The following ATXN7L1 variants were observed in gnomAD, a reference collection of about 807,000 sequenced individuals.
ATXN7L1 encodes ataxin-7-like protein 1.
ATXN7L1 carries 15 observed loss-of-function variants against 70.8 expected under a neutral mutation model. The observed-to-expected ratio is 0.21, with a 90% CI of 0.14 to 0.33. The LOEUF is 0.33. ATXN7L1 is among the 10% of genes least tolerant of loss of function. ATXN7L1 has a pLI of 1.00. For synonymous variants in ATXN7L1, 440 were observed against 445.1 expected (o/e 0.99, Z 0.14); for missense variants, 975 against 1,097.1 (o/e 0.89, Z 1.57).
At chr7:105,660,067 C>T (rs1159683247) in intron 4 of ATXN7L1, among the ~76,000 whole-genome samples, 2 of 152,058 alleles carry the variant, frequency 1.3e-5, no homozygotes, top group Non-Finnish European at 2.9e-5. Context: ...CTACATATGA[C>T]CAGCCCCAAA....
chr7:105,836,448 T>C (rs1812399732), intron 2 of ATXN7L1, among the ~76,000 whole-genome samples: 1 of 151,890 alleles, frequency 6.6e-6, no homozygotes. Flanking sequence ...AGGGAGAAAA[T>C]GGGATGCCAG....
At chr7:105,855,432 T>C (rs1815584085) in intron 2 of ATXN7L1, among the ~76,000 whole-genome samples, 1 of 152,244 alleles carries the variant, frequency 6.6e-6, no homozygotes, top group Non-Finnish European at 1.5e-5. Flanking sequence ...CTAATGTATC[T>C]GTATGGAGGA....
At chr7:105,809,568 C>G (rs1808114981) in intron 2 of ATXN7L1, among the ~76,000 whole-genome samples, 1 of 152,148 alleles carries the variant, frequency 6.6e-6, no homozygotes, top group South Asian at 2.1e-4. Context: ...CCTCAAGGTT[C>G]AAATATATAT....
chr7:105,740,416 A>C (rs589282), intron 3 of ATXN7L1, among the ~76,000 whole-genome samples: 1,860 of 152,312 alleles, frequency 0.012, 42 homozygotes, highest in African/African-American at 0.042. Flanking sequence ...CAGAACAGGC[A>C]AGATCCACAA....
chr7:105,623,287 C>G (rs1795202168), intron 8 of ATXN7L1, among the ~76,000 whole-genome samples: 2 of 152,194 alleles, frequency 1.3e-5, no homozygotes, highest in Admixed American at 6.5e-5. Flanking sequence ...CTCAGGCTGG[C>G]ACCAGAGTAA....
chr7:105,818,893 ATTTTTT>A (rs36115790), intron 2 of ATXN7L1, among the ~76,000 whole-genome samples: 5 of 146,564 alleles, frequency 3.4e-5, no homozygotes, highest in African/African-American at 1.0e-4. Context: ...TACCCACTGC[ATTTTTT>A]TTTTTTTTTA....
At chr7:105,812,046 G>C (rs1369836790) in intron 2 of ATXN7L1, among the ~76,000 whole-genome samples, 1 of 152,140 alleles carries the variant, frequency 6.6e-6, no homozygotes, top group Non-Finnish European at 1.5e-5. Flanking sequence ...CCTGCCTTGT[G>C]AATGCTTTGG....
chr7:105,669,854 G>A (rs1201068963), intron 3 of ATXN7L1, among the ~76,000 whole-genome samples: 1 of 151,402 alleles, frequency 6.6e-6, no homozygotes, highest in East Asian at 1.9e-4. Flanking sequence ...AGGAAGTGGA[G>A]GTTGTAGTGA....
At chr7:105,669,880 T>C (rs895440817) in intron 3 of ATXN7L1, among the ~76,000 whole-genome samples, 2 of 147,876 alleles carry the variant, frequency 1.4e-5, no homozygotes, top group Non-Finnish European at 3.0e-5. Flanking sequence ...GATCGAACCA[T>C]TGCACTCCAG....
intron 2 of ATXN7L1, among the ~76,000 whole-genome samples, chr7:105,873,143 G>T (rs1818523420): frequency 7.1e-6 from 1 of 141,648 alleles, no homozygotes. Flanking sequence ...GGCAGAGCAA[G>T]ACTCCGTCTC....
At chr7:105,677,145 C>A (rs1262760631) in intron 3 of ATXN7L1, among the ~76,000 whole-genome samples, 1 of 152,206 alleles carries the variant, frequency 6.6e-6, no homozygotes, top group Non-Finnish European at 1.5e-5. Flanking sequence ...GACAGCAGGG[C>A]CAGGGCCCCC....
At chr7:105,747,431 A>G (rs916514350) in intron 3 of ATXN7L1, among the ~76,000 whole-genome samples, 3 of 152,228 alleles carry the variant, frequency 2.0e-5, no homozygotes, top group Admixed American at 6.5e-5. Context: ...CCATAGGGAC[A>G]GAAATTCTTG....
chr7:105,672,940 A>G (rs1335006591), intron 3 of ATXN7L1, among the ~76,000 whole-genome samples: 1 of 152,234 alleles, frequency 6.6e-6, no homozygotes, highest in Non-Finnish European at 1.5e-5. Context: ...CATTTCCACC[A>G]CAGGAAGTCC....
At chr7:105,619,509 TATATATATATATATATATATA>T (rs1490450771) in intron 9 of ATXN7L1, among the ~76,000 whole-genome samples, 4 of 14,118 alleles carry the variant, frequency 2.8e-4, no homozygotes, top group African/African-American at 6.4e-4. Context: ...TATATATATA[TATATATATATATATATATATA>T]TTTTTTTTTT....
intron 3 of ATXN7L1, among the ~76,000 whole-genome samples, chr7:105,704,578 T>TA (rs1371301574): frequency 6.9e-6 from 1 of 144,230 alleles, no homozygotes; most frequent in Non-Finnish European, 1.5e-5. Context: ...CAGAGAGGTT[T>TA]TATCTCTTTT....
chr7:105,613,650 G>A, intron 10 of ATXN7L1: 3 of 1,425,490 alleles, frequency 2.1e-6, no homozygotes, highest in Non-Finnish European at 9.2e-7. Flanking sequence ...ACCGTAAAGT[G>A]CCGAGAACAG....
chr7:105,699,886 C>G (rs189386308), intron 3 of ATXN7L1, among the ~76,000 whole-genome samples: 1 of 152,222 alleles, frequency 6.6e-6, no homozygotes, highest in African/African-American at 2.4e-5. Context: ...GGCCTGCCCC[C>G]ACAATCCTCC....
At chr7:105,611,455 T>G (rs1793144112) in intron 10 of ATXN7L1, among the ~76,000 whole-genome samples, 1 of 152,278 alleles carries the variant, frequency 6.6e-6, no homozygotes, top group African/African-American at 2.4e-5. Flanking sequence ...CATTGCAACC[T>G]CTGCCTCTGG....
intron 4 of ATXN7L1, among the ~76,000 whole-genome samples, chr7:105,644,833 A>G (rs1395223410): frequency 6.6e-6 from 1 of 152,248 alleles, no homozygotes; most frequent in Non-Finnish European, 1.5e-5. Context: ...CCATGTTCAT[A>G]GCAGCGTTAT....
Sources: allele counts gnomAD v4.1 joint callset (sites outside exome capture counted in the v4.1 genomes callset), GRCh38; gene constraint gnomAD v4.1.1; transcripts MANE v1.5; gene names NCBI Gene and HGNC (gene_info 2026-07-23, HGNC 2026-07-21).